THSD4: variants seen among roughly 807,000 people sequenced by gnomAD.
The protein encoded by THSD4 is thrombospondin type 1 domain containing 4, also known as thrombospondin type-1 domain-containing protein 4.
In THSD4, 69 loss-of-function variants were observed where a neutral mutation model predicts 119.0. The observed-to-expected ratio is 0.58, with a 90% CI of 0.48 to 0.71. The LOEUF (loss-of-function observed/expected upper bound fraction) is 0.71. Among genes scored for constraint, THSD4 ranks in the 30% least tolerant of loss-of-function variants. The probability of loss-of-function intolerance (pLI) is 0.00; values close to 1 mark genes in which losing one functional copy is unlikely to be tolerated. For synonymous variants in THSD4, 524 were observed against 540.4 expected, an observed-to-expected ratio of 0.97 and a Z score of 0.42; for missense variants, 1,393 against 1,391.1, an observed-to-expected ratio of 1.00 and a Z score of -0.02.
intron 7 of THSD4, among the ~76,000 whole-genome samples, chr15:71,545,996 C>A (rs1250025387): frequency 6.6e-6 from 1 of 152,176 alleles, no homozygotes; most frequent in African/African-American, 2.4e-5. Context: ...GGGCTGGCTG[C>A]TGATACTTAT....
chr15:71,162,956 T>C (rs1013248703), intron 3 of THSD4, among the ~76,000 whole-genome samples: 5 of 152,034 alleles, frequency 3.3e-5, no homozygotes, highest in African/African-American at 1.2e-4. Flanking sequence ...ATTAAATTCA[T>C]TAGCTCTAAG....
intron 6 of THSD4, among the ~76,000 whole-genome samples, chr15:71,335,942 G>A (rs749058416): frequency 2.0e-5 from 3 of 152,168 alleles, no homozygotes; most frequent in African/African-American, 4.8e-5. Context: ...GTGGGTTGTC[G>A]GGGAATGATG....
At chr15:71,630,147 A>C (rs1360042444) in intron 7 of THSD4, among the ~76,000 whole-genome samples, 6 of 152,224 alleles carry the variant, frequency 3.9e-5, no homozygotes, top group Non-Finnish European at 8.8e-5. Context: ...CCAGTAAAAA[A>C]AGAAAACAAA....
chr15:71,615,821 C>G (rs1396293766), intron 7 of THSD4, among the ~76,000 whole-genome samples: 1 of 152,166 alleles, frequency 6.6e-6, no homozygotes, highest in African/African-American at 2.4e-5. Context: ...GGGCTTCCCA[C>G]CAACACTCAT....
chr15:71,714,114 G>A (rs1488561884), intron 8 of THSD4, among the ~76,000 whole-genome samples: 5 of 152,142 alleles, frequency 3.3e-5, no homozygotes, highest in African/African-American at 9.7e-5. Flanking sequence ...TGCAAAAACC[G>A]TGATTACTTT....
Position 71,746,981 on chromosome 15 carries a change from C to A in THSD4, c.2180C>A (p.Thr727Asn), listed in dbSNP as rs1409997879. ...TGCCAGCACCTGGAGAAACCTGAGA[C>A]CACCAGCACCTGCCAACTCAAGATC... ...YRCQHLEKPE[T>N]TSTCQLKICS... Residue 727 changes from threonine (T) to asparagine (N), a missense_variant, in exon 13 of 18, where the codon ACC becomes AAC. Physicochemically the swap from Thr to Asn is moderately conservative, Grantham distance 65. Coordinates refer to ENST00000261862, the MANE Select transcript of THSD4 (RefSeq NM_024817.3). The A allele has an allele frequency of 6.2e-7, 1 of 1,613,482 alleles. No individual in the cohort carries two copies. The highest frequency in any genetic ancestry group is 1.1e-5 in the South Asian group (1 of 91,050).
At chr15:71,529,381 T>G (rs566629703) in intron 7 of THSD4, among the ~76,000 whole-genome samples, 1 of 152,386 alleles carries the variant, frequency 6.6e-6, no homozygotes, top group Admixed American at 6.5e-5. Flanking sequence ...GACATTCTTC[T>G]GAACATTTTC....
Position 71,367,387 on chromosome 15 carries a change from C to T in THSD4, c.1016-44300C>T, listed in dbSNP as rs558686675. ...ATACATGTGCCATGGTGGTGTGCTG[C>T]GCACATTAACTCGTCATTTACATTA... On this transcript the variant is annotated intron_variant, in intron 6 of 17. Transcript: ENST00000261862. 4.6e-5 allele frequency among the ~76,000 whole-genome samples: 7 copies of T among 152,266 alleles called. No individual in the cohort carries two copies. In the South Asian group the frequency reaches 6.2e-4, roughly 14 times the overall value.
chr15:71,328,700 C>G (rs2045380044), intron 6 of THSD4, among the ~76,000 whole-genome samples: 1 of 152,318 alleles, frequency 6.6e-6, no homozygotes, highest in Non-Finnish European at 1.5e-5. Flanking sequence ...TGTGCTGAAT[C>G]AGACAGTTGG....
chr15:71,424,584 G>A (rs1331147556), intron 7 of THSD4, among the ~76,000 whole-genome samples: 1 of 152,082 alleles, frequency 6.6e-6, no homozygotes, highest in Non-Finnish European at 1.5e-5. Context: ...CATCAAAAAC[G>A]AATATCTGGC....
intron 3 of THSD4, among the ~76,000 whole-genome samples, chr15:71,173,684 T>G (rs756890762): frequency 1.3e-5 from 2 of 151,856 alleles, no homozygotes; most frequent in Admixed American, 6.6e-5. Context: ...GAAATTTATA[T>G]GGAGTCTCAA....
At chr15:71,452,193 G>A (rs2047274724) in intron 7 of THSD4, among the ~76,000 whole-genome samples, 1 of 152,114 alleles carries the variant, frequency 6.6e-6, no homozygotes, top group South Asian at 2.1e-4. Flanking sequence ...TCCTTTCTCT[G>A]CTGGACTTGC....
At chr15:71,306,338 A>AAAAG (rs1567189160) in intron 6 of THSD4, among the ~76,000 whole-genome samples, 1 of 127,928 alleles carries the variant, frequency 7.8e-6, no homozygotes, top group African/African-American at 2.8e-5. Flanking sequence ...AAAAAAAAAA[A>AAAAG]GGGAATGGTA....
In THSD4 at chr15:71,451,754, C is replaced by T. The variant is rs2047268623; in HGVS notation, c.1152+39931C>T. Among the ~76,000 whole-genome samples, 10 of 152,284 alleles carry T rather than the reference C, an allele frequency of 6.6e-5. No homozygotes were observed. The South Asian group carries it at 2.1e-3, about 32-fold the overall frequency. On this transcript the variant is annotated intron_variant, in intron 7 of 17. Coordinates refer to ENST00000261862, the MANE Select transcript of THSD4 (RefSeq NM_024817.3). Reference sequence around the variant, plus strand: ...AGTTCCTCCCTCCTTCTCCAGGTCCCTTCTCTTCCCCTTTCTCAGTCTGTT... The same window carrying T: ...AGTTCCTCCCTCCTTCTCCAGGTCCTTTCTCTTCCCCTTTCTCAGTCTGTT...
chr15:71,689,157 C>G (rs2141046717), intron 8 of THSD4, among the ~76,000 whole-genome samples: 1 of 152,316 alleles, frequency 6.6e-6, no homozygotes, highest in South Asian at 2.1e-4. Context: ...ACTAATAATT[C>G]TACTGGAAAT....
intron 11 of THSD4, 87 bp downstream of exon 11, chr15:71,738,094 T>C: frequency 6.6e-7 from 1 of 1,525,770 alleles, no homozygotes; most frequent in Non-Finnish European, 8.8e-7. Context: ...CCCCGGCTTT[T>C]TTGGCACCAG....
At chr15:71,347,188 CTCTT>C (rs927283519) in intron 6 of THSD4, among the ~76,000 whole-genome samples, 2 of 152,088 alleles carry the variant, frequency 1.3e-5, no homozygotes, top group African/African-American at 4.8e-5. Context: ...CTCATTTTCT[CTCTT>C]TCTGCAGTTG....
chr15:71,337,518 A>G (rs1165525482), intron 6 of THSD4, among the ~76,000 whole-genome samples: 1 of 152,238 alleles, frequency 6.6e-6, no homozygotes, highest in East Asian at 1.9e-4. Context: ...GTTGTCCCAA[A>G]TGGAAACTGG....
Position 71,567,271 on chromosome 15 carries a change from G to A in THSD4, c.1153-93259G>A, listed in dbSNP as rs115828585. Among the ~76,000 whole-genome samples the A allele has an allele frequency of 3.7e-3, 557 of 152,216 alleles. 4 individuals are homozygous for A. Among genetic ancestry groups the A allele is most frequent in the African/African-American group, 0.013 (537 of 41,540 alleles). ...AGTTTGGGTTCCCCCAGACACAGCT[G>A]AGCCAAGGACCTGAGTGCCAGTGGT... On this transcript the variant is annotated intron_variant, in intron 7 of 17. Coordinates refer to ENST00000261862, the MANE Select transcript of THSD4 (RefSeq NM_024817.3).
Sources: gnomAD v4.1 joint callset for allele counts (sites outside exome capture counted in the v4.1 genomes callset) on GRCh38, gnomAD v4.1.1 for gene constraint, MANE v1.5 for transcripts, NCBI Gene and HGNC (gene_info 2026-07-23, HGNC 2026-07-21) for gene names.